TDRD9: variants seen among roughly 807,000 people sequenced by gnomAD.
TDRD9 encodes ATP-dependent RNA helicase TDRD9.
TDRD9 carries 124 observed loss-of-function variants against 172.6 expected under a neutral mutation model. The ratio of observed to expected loss-of-function variants is 0.72; its 90% confidence interval spans 0.62 to 0.83. The LOEUF (loss-of-function observed/expected upper bound fraction) is 0.83, where lower values mean the gene tolerates loss of function less well. Ranked by LOEUF, TDRD9 falls within the 40% of genes least tolerant of loss-of-function variation. The pLI, the probability that TDRD9 is intolerant of heterozygous loss-of-function variation, is 0.00. For synonymous variants in TDRD9, 619 were observed against 617.1 expected (o/e 1.00, Z -0.05); for missense variants, 1,479 against 1,714.1 (o/e 0.86, Z 2.42).
At chr14:103,939,675 GGGT>G (rs1184157589) in intron 1 of TDRD9, 5 of 25,156 alleles carry the variant, frequency 2.0e-4, no homozygotes, top group Non-Finnish European at 5.6e-4. Context: ...AAAGTTAGGA[GGGT>G]TTTTTTTTTT....
chr14:103,943,126 T>G (rs1467700143), intron 1 of TDRD9, among the ~76,000 whole-genome samples: 1 of 151,902 alleles, frequency 6.6e-6, no homozygotes, highest in African/African-American at 2.4e-5. Flanking sequence ...GTGCTATTTC[T>G]TTTTTCTTTC....
At chr14:104,028,130 A>G (rs905381368) in intron 28 of TDRD9, among the ~76,000 whole-genome samples, 3 of 152,088 alleles carry the variant, frequency 2.0e-5, no homozygotes, top group Admixed American at 1.3e-4. Context: ...TATCTTGACT[A>G]TTGTGACCAC....
Position 103,985,155 on chromosome 14 carries a change from T to C in TDRD9, c.1012-1062T>C, listed in dbSNP as rs942749592. ...GTTAATGCTGAAATGAGTTAAGACT[T>C]TGTGGGGACTGTTGGGAAGGCATGA... is the stretch of plus-strand genomic sequence containing the variant. On this transcript the variant is annotated intron_variant, in intron 7 of 35. Transcript: ENST00000409874. Among the ~76,000 whole-genome samples, 21 of 152,272 alleles carry C rather than the reference T, an allele frequency of 1.4e-4. No homozygotes were observed. In the South Asian group the frequency reaches 3.9e-3, roughly 29 times the overall value.
intron 30 of TDRD9, 148 bp from the exon 31 acceptor site, chr14:104,033,812 G>C: frequency 1.6e-6 from 1 of 613,968 alleles, no homozygotes. Context: ...AAGGAGATGT[G>C]CAGGAGAGTG....
At chr14:103,942,459 T>C (rs1334364651) in intron 1 of TDRD9, among the ~76,000 whole-genome samples, 1 of 152,206 alleles carries the variant, frequency 6.6e-6, no homozygotes, top group Non-Finnish European at 1.5e-5. Flanking sequence ...CATTCCGACA[T>C]GTCTTTGGTA....
intron 12 of TDRD9, among the ~76,000 whole-genome samples, chr14:103,996,017 A>G (rs2034047069): frequency 6.6e-6 from 1 of 152,154 alleles, no homozygotes; most frequent in Non-Finnish European, 1.5e-5. Flanking sequence ...CTTTAGGGCA[A>G]GCTGGCTCGT....
Position 104,004,256 on chromosome 14 carries a change from C to T in TDRD9, c.1502C>T (p.Ser501Phe). The change falls in exon 14 of 36, where the codon TCT (serine) becomes TTT (phenylalanine). Residue 501 changes from serine to phenylalanine, a missense_variant. Around this residue, in one of 3 missense-constraint regions of TDRD9, gnomAD observed 1,413 missense variants for 1,649.1 expected, o/e 0.86. Coordinates refer to ENST00000409874, the MANE Select transcript of TDRD9 (RefSeq NM_153046.3). The part of the protein sequence containing the change: ...NQRKGRAGRV[S>F]RGYCYRLVHK... ...TTTGAAGGCCGTGCTGGACGAGTGT[C>T]TAGAGGGTACTGTTACCGGCTGGTA... The T allele has an allele frequency of 1.9e-6, 3 of 1,597,848 alleles. No individual in the cohort carries two copies. Among genetic ancestry groups the T allele is most frequent in the East Asian group, 4.5e-5 (2 of 44,762 alleles).
intron 33 of TDRD9, among the ~76,000 whole-genome samples, chr14:104,040,809 C>T (rs146158792): frequency 3.5e-4 from 54 of 152,352 alleles, no homozygotes; most frequent in African/African-American, 1.3e-3. Context: ...TGTCTGGGCA[C>T]CGCACTAGCT....
At chr14:103,975,862 A>C (rs1475803128) in intron 7 of TDRD9, among the ~76,000 whole-genome samples, 1 of 152,136 alleles carries the variant, frequency 6.6e-6, no homozygotes, top group African/African-American at 2.4e-5. Flanking sequence ...AATAAACGAT[A>C]AGTTTTTGTC....
At chr14:103,932,644 T>C (rs112202786) in intron 1 of TDRD9, among the ~76,000 whole-genome samples, 3,481 of 151,224 alleles carry the variant, frequency 0.023, 78 homozygotes, top group East Asian at 0.072. Context: ...GCCTCGGCCT[T>C]CCAAAGTGCT....
In TDRD9 at chr14:104,031,140, C is replaced by T; in HGVS notation, c.3315C>T (p.Ser1105=). Reference sequence around the variant, plus strand: ...ATGAAGTTCTCAAGGGCCTCTTTTCCAAGTCAGTAGAAAACATGACAGATG... The same window carrying T: ...ATGAAGTTCTCAAGGGCCTCTTTTCTAAGTCAGTAGAAAACATGACAGATG... ...QSHEVLKGLF[S]KSVENMTDGS... The change falls in exon 29 of 36, where the codon TCC becomes TCT. Residue 1105 remains serine, a synonymous_variant. Coordinates refer to ENST00000409874, the MANE Select transcript of TDRD9 (RefSeq NM_153046.3). 1 of 1,551,218 alleles carries T rather than the reference C, an allele frequency of 6.4e-7. No homozygotes were observed.
chr14:103,980,243 C>T lies in TDRD9; in HGVS notation c.1011+4690C>T, dbSNP rs147685060. Among the ~76,000 whole-genome samples, 3,377 of 152,098 alleles carry T rather than the reference C, an allele frequency of 0.022. 143 individuals are homozygous for T. Among genetic ancestry groups the T allele is most frequent in the Admixed American group, 0.12 (1,838 of 15,262 alleles). On this transcript the variant is annotated intron_variant, in intron 7 of 35. Transcript: ENST00000409874. The surrounding 1 kb of genome is among the most constrained non-coding windows in gnomAD (Gnocchi z 4.5). ...GCCTGGGGGACCACTACCACCAAGA[C>T]GCAGAGACCAGTAGTGGCCCCGAAT... is the stretch of plus-strand genomic sequence containing the variant.
chr14:103,955,636 G>A (rs1175277362), intron 1 of TDRD9, 28 bp from the exon 2 acceptor site: 2 of 1,527,320 alleles, frequency 1.3e-6, no homozygotes, highest in Admixed American at 4.1e-5. Flanking sequence ...TTTGGAAATA[G>A]TATACTAACT....
At chr14:103,933,763 T>C (rs2030560015) in intron 1 of TDRD9, among the ~76,000 whole-genome samples, 2 of 152,166 alleles carry the variant, frequency 1.3e-5, no homozygotes, top group Admixed American at 6.6e-5. Flanking sequence ...GAATGCCTGC[T>C]GTATTGGGCA....
At chr14:103,961,174 A>G (rs553989789) in intron 2 of TDRD9, among the ~76,000 whole-genome samples, 1 of 152,368 alleles carries the variant, frequency 6.6e-6, no homozygotes, top group South Asian at 2.1e-4. Context: ...AGAAGGCATC[A>G]GTAATTACCA....
At chr14:104,025,278 C>T (rs916158817) in intron 25 of TDRD9, among the ~76,000 whole-genome samples, 45 of 152,106 alleles carry the variant, frequency 3.0e-4, no homozygotes, top group Admixed American at 1.9e-3. Context: ...CACTGTGCCC[C>T]GCCGAAATGC....
chr14:103,971,383 C>T (rs769488054), intron 6 of TDRD9, among the ~76,000 whole-genome samples: 2 of 151,836 alleles, frequency 1.3e-5, no homozygotes, highest in Non-Finnish European at 2.9e-5. Flanking sequence ...CAGCTCACTG[C>T]CACCTCCGCC....
At chr14:103,940,020 AT>A (rs1242368233) in intron 1 of TDRD9, 1 of 151,916 alleles carries the variant, frequency 6.6e-6, no homozygotes, top group Non-Finnish European at 1.5e-5. Context: ...TTAAGAATGA[AT>A]TGTATCACTT....
intron 18 of TDRD9, 84 bp from the exon 19 acceptor site, chr14:104,007,076 A>G (rs1487011945): frequency 9.7e-6 from 13 of 1,334,680 alleles, no homozygotes; most frequent in Middle Eastern, 1.8e-4. Flanking sequence ...TATGTTGTAA[A>G]TTTTCAGGTT....
Sources: gnomAD v4.1 joint callset for allele counts (sites outside exome capture counted in the v4.1 genomes callset) on GRCh38, gnomAD v4.1.1 for gene constraint, gnomAD v4.1.1 regional missense constraint, Gnocchi (gnomAD v3.1) non-coding constraint, MANE v1.5 for transcripts, NCBI Gene and HGNC (gene_info 2026-07-23, HGNC 2026-07-21) for gene names.